The following NECAP2 variants were observed in gnomAD, a reference collection of about 807,000 sequenced individuals.
NECAP2 encodes adaptin ear-binding coat-associated protein 2.
In NECAP2, 38 loss-of-function variants were observed where a neutral mutation model predicts 37.8. That is an observed-to-expected ratio of 1.01 (90% confidence interval 0.78 to 1.32). NECAP2 has a LOEUF of 1.32. Among genes scored for constraint, NECAP2 ranks in the 40% most tolerant of loss-of-function variants. The pLI is 0.00. For synonymous variants in NECAP2, 121 were observed against 127.7 expected, an observed-to-expected ratio of 0.95 and a Z score of 0.35; for missense variants, 316 against 334.5, an observed-to-expected ratio of 0.94 and a Z score of 0.43.
At chr1:16,442,501 A>G (rs1309144201) in intron 1 of NECAP2, among the ~76,000 whole-genome samples, 2 of 152,262 alleles carry the variant, frequency 1.3e-5, no homozygotes, top group Non-Finnish European at 2.9e-5. Flanking sequence ...CCCTCAAGAC[A>G]GCCGCGTCCA....
intron 5 of NECAP2, chr1:16,450,322 A>C (rs2086824327): frequency 2.9e-6 from 1 of 349,972 alleles, no homozygotes; most frequent in African/African-American, 2.2e-5. Context: ...ATGTGAATTA[A>C]ACATCCTCTC....
In NECAP2 at chr1:16,459,013, T is replaced by A; in HGVS notation, c.*123T>A. On this transcript the variant is annotated 3_prime_UTR_variant, in exon 8 of 8. Transcript: ENST00000337132. The stretch of plus-strand genomic sequence containing the variant: ...GGGGCATGAATCTCTCCTCTCCTCC[T>A]TGTCTGGCTCTGTTGACAAACCGGG... The A allele has an allele frequency of 6.4e-7, 1 of 1,572,702 alleles. No individual in the cohort carries two copies.
intron 5 of NECAP2, 45 bp downstream of exon 5, chr1:16,449,246 C>A: frequency 7.5e-7 from 1 of 1,335,874 alleles, no homozygotes; most frequent in Non-Finnish European, 1.1e-6. Flanking sequence ...ATACTTGTGG[C>A]CACCCAGCCC....
At chr1:16,454,750 G>A (rs1037930684) in intron 6 of NECAP2, among the ~76,000 whole-genome samples, 1 of 152,214 alleles carries the variant, frequency 6.6e-6, no homozygotes, top group Non-Finnish European at 1.5e-5. Context: ...TAAGTTTCTT[G>A]TGAGGATCAA....
At chr1:16,452,089 T>C (rs1222291086) in intron 6 of NECAP2, 74 bp downstream of exon 6, 40 of 1,431,314 alleles carry the variant, frequency 2.8e-5, no homozygotes, top group Non-Finnish European at 3.8e-5. Context: ...GGCCCCATGG[T>C]TTCCCCCCCG....
chr1:16,451,654 G>T, intron 5 of NECAP2, 184 bp from the exon 6 acceptor site: 1 of 651,752 alleles, frequency 1.5e-6, no homozygotes, highest in Non-Finnish European at 2.8e-6. Context: ...GACCTTATTT[G>T]TGAGAGATTC....
intron 5 of NECAP2, chr1:16,450,268 GTT>G (rs1262466995): frequency 5.6e-6 from 2 of 354,460 alleles, no homozygotes; most frequent in South Asian, 2.0e-5. Context: ...GTTTTGTTTT[GTT>G]TTTTGTTTTG....
chr1:16,448,286 T>G (rs2086792051), intron 4 of NECAP2, 145 bp downstream of exon 4: 1 of 764,096 alleles, frequency 1.3e-6, no homozygotes, highest in African/African-American at 1.7e-5. Context: ...CCACCTCTCT[T>G]CTCTGCCAAT....
Position 16,458,982 on chromosome 1 carries a change from GTGTT to G in NECAP2, c.*95_*98del. On this transcript the variant is annotated 3_prime_UTR_variant, in exon 8 of 8. Transcript: ENST00000337132. ...GGACGAAGCCCTCCTCAGCTGGCCTGTGTTTGGGGCATGAATCTCTCCTCTCCTC... is the reference window on the plus strand; with the variant it reads ...GGACGAAGCCCTCCTCAGCTGGCCTGTGGGGCATGAATCTCTCCTCTCCTC... 1 of 1,606,318 alleles carries G rather than the reference GTGTT, an allele frequency of 6.2e-7. No homozygotes were observed. Among genetic ancestry groups the G allele is most frequent in the Non-Finnish European group, 8.5e-7 (1 of 1,176,564 alleles).
chr1:16,448,149 G>A lies in NECAP2; in HGVS notation c.380+8G>A, dbSNP rs760813880. The A allele has an allele frequency of 1.9e-6, 3 of 1,610,962 alleles. No homozygotes were observed. The highest frequency in any genetic ancestry group is 2.2e-5 in the South Asian group (2 of 91,020). On this transcript the variant is annotated splice_region_variant and intron_variant, in intron 4 of 7. Transcript: ENST00000337132. Reference sequence around the variant, plus strand: ...ATTGCAGGACCATTTCAAGTGAGTGGGTCTGGGAGACACACGCTCATGCCC... The same window carrying A: ...ATTGCAGGACCATTTCAAGTGAGTGAGTCTGGGAGACACACGCTCATGCCC...
At chr1:16,450,631 C>G (rs1261858703) in intron 5 of NECAP2, 2 of 153,018 alleles carry the variant, frequency 1.3e-5, no homozygotes, top group African/African-American at 4.8e-5. Flanking sequence ...ATCATAAATG[C>G]AGAACTCTGT....
chr1:16,441,028 C>T, intron 1 of NECAP2, 175 bp downstream of exon 1: 1 of 594,818 alleles, frequency 1.7e-6, no homozygotes, highest in Non-Finnish European at 3.0e-6. Flanking sequence ...AGAGTTTCGC[C>T]CGTCTCAGTT....
At chr1:16,445,529 T>C (rs1040341254) in intron 2 of NECAP2, among the ~76,000 whole-genome samples, 1 of 151,970 alleles carries the variant, frequency 6.6e-6, no homozygotes, top group Non-Finnish European at 1.5e-5. Flanking sequence ...CTTGGTGAGG[T>C]TGGAACACAA....
chr1:16,446,369 C>T (rs1001392065), intron 2 of NECAP2, among the ~76,000 whole-genome samples: 1 of 152,076 alleles, frequency 6.6e-6, no homozygotes, highest in Non-Finnish European at 1.5e-5. Flanking sequence ...GAGTTAGAGA[C>T]CAGCCTGGGC....
rs369886886 is a variant in NECAP2 at position 16,440,736 on chromosome 1, A to C, written c.-26A>C. ...ACAGAGGAACGGTGGAAGTCGCCGG[A>C]AGTTCGGTGGGCTCCAGGCGTCGCG... On this transcript the variant is annotated 5_prime_UTR_variant, in exon 1 of 8. Transcript: ENST00000337132. 8 of 1,604,032 alleles carry C rather than the reference A, an allele frequency of 5.0e-6. No homozygotes were observed. Among genetic ancestry groups the C allele is most frequent in the African/African-American group, 1.3e-5 (1 of 74,708 alleles).
In NECAP2 at chr1:16,449,162, G is replaced by A; in HGVS notation, c.450G>A (p.Leu150=). The A allele has an allele frequency of 6.2e-7, 1 of 1,613,098 alleles. No individual in the cohort carries two copies. Among genetic ancestry groups the A allele is most frequent in the Admixed American group, 1.7e-5 (1 of 59,862 alleles). The change falls in exon 5 of 8, where the codon CTG becomes CTA. Residue 150 remains leucine (L), a synonymous_variant. Transcript: ENST00000337132. Reference sequence around the variant, plus strand: ...CAGACCAAGGCCCTAAACTGGACCTGGGCTTCAAGGAGGGCCAGACCATCA... The same window carrying A: ...CAGACCAAGGCCCTAAACTGGACCTAGGCTTCAAGGAGGGCCAGACCATCA... ...QNPDQGPKLD[L]GFKEGQTIKL...
At chr1:16,457,556 C>T (rs992954845) in intron 7 of NECAP2, among the ~76,000 whole-genome samples, 2 of 152,120 alleles carry the variant, frequency 1.3e-5, no homozygotes, top group East Asian at 1.9e-4. Flanking sequence ...CAGACTGCAG[C>T]GTTGACCCTG....
chr1:16,448,047 T>C lies in NECAP2; in HGVS notation c.299-13T>C. 6.2e-7 allele frequency: 1 copy of C among 1,614,202 alleles called. No individual in the cohort carries two copies. Among genetic ancestry groups the C allele is most frequent in the East Asian group, 2.2e-5 (1 of 44,892 alleles). The stretch of plus-strand genomic sequence containing the variant: ...GCCTTTGGAAGGTGGGTTGATCATG[T>C]GTTGTTCCCCAGGGCGACGGGCGTT... On this transcript the variant is annotated splice_polypyrimidine_tract_variant and intron_variant, in intron 3 of 7. Transcript: ENST00000337132.
intron 2 of NECAP2, 59 bp downstream of exon 2, chr1:16,443,791 A>G: frequency 7.1e-7 from 1 of 1,404,528 alleles, no homozygotes; most frequent in Non-Finnish European, 1.0e-6. Context: ...ATGAAGGGAG[A>G]GGTGGCCTGG....
Sources: gnomAD v4.1 joint callset for allele counts (sites outside exome capture counted in the v4.1 genomes callset) on GRCh38, gnomAD v4.1.1 for gene constraint, MANE v1.5 for transcripts, NCBI Gene and HGNC (gene_info 2026-07-23, HGNC 2026-07-21) for gene names.